UBA2: variants seen among roughly 807,000 people sequenced by gnomAD.
The protein encoded by UBA2 is ubiquitin like modifier activating enzyme 2, also known as SUMO-activating enzyme subunit 2.
A neutral mutation model predicts 77.2 loss-of-function variants in UBA2; 11 were observed. The observed-to-expected ratio is 0.14, with a 90% CI of 0.09 to 0.24. UBA2 has a LOEUF of 0.24. UBA2 is among the 10% of genes least tolerant of loss of function. The pLI is 1.00. For missense variants in UBA2, 487 were observed against 781.7 expected (o/e 0.62, Z 4.50); for synonymous variants, 278 against 276.7 (o/e 1.00, Z -0.05).
chr19:34,437,665 T>TG (rs1325443888), intron 5 of UBA2, among the ~76,000 whole-genome samples: 1 of 152,212 alleles, frequency 6.6e-6, no homozygotes, highest in African/African-American at 2.4e-5. Context: ...TAATGAAAGA[T>TG]GATTCATTTG....
intron 16 of UBA2, among the ~76,000 whole-genome samples, chr19:34,468,347 TCATC>T (rs2075708671): frequency 4.6e-5 from 7 of 152,210 alleles, no homozygotes; most frequent in Non-Finnish European, 8.8e-5. Context: ...GAAAGGTCCG[TCATC>T]TTCCTTTGAG....
At chr19:34,432,391 G>A (rs1194964735) in intron 3 of UBA2, among the ~76,000 whole-genome samples, 1 of 152,168 alleles carries the variant, frequency 6.6e-6, no homozygotes, top group East Asian at 1.9e-4. Context: ...TAAAGATAGA[G>A]TAAATATATA....
intron 8 of UBA2, among the ~76,000 whole-genome samples, chr19:34,447,631 A>G (rs1310796902): frequency 6.6e-6 from 1 of 152,212 alleles, no homozygotes; most frequent in African/African-American, 2.4e-5. Context: ...GTTGTGAACA[A>G]GACAGAAGAC....
At chr19:34,428,673 C>T in intron 1 of UBA2, 103 bp downstream of exon 1, 5 of 1,214,118 alleles carry the variant, frequency 4.1e-6, no homozygotes, top group Non-Finnish European at 5.1e-6. Flanking sequence ...GCCCGGAGCC[C>T]GGGACCGGAG....
At chr19:34,441,272 G>A (rs1197725790) in intron 6 of UBA2, among the ~76,000 whole-genome samples, 3 of 151,920 alleles carry the variant, frequency 2.0e-5, no homozygotes, top group East Asian at 1.9e-4. Context: ...TGGCTAACAC[G>A]GTGAAACCCC....
chr19:34,458,704 T>C (rs894556550), intron 12 of UBA2, 65 bp from the exon 13 acceptor site: 224 of 1,395,030 alleles, frequency 1.6e-4, no homozygotes, highest in Non-Finnish European at 2.1e-4. Context: ...AACGAGATTT[T>C]AGATTGTATG....
chr19:34,454,861 A>G (rs1373652152), intron 12 of UBA2, among the ~76,000 whole-genome samples: 1 of 152,194 alleles, frequency 6.6e-6, no homozygotes, highest in African/African-American at 2.4e-5. Context: ...AGAGTGCTAT[A>G]TGGGTTTTAA....
chr19:34,463,987 A>G, intron 14 of UBA2, 39 bp from the exon 15 acceptor site: 1 of 1,386,318 alleles, frequency 7.2e-7, no homozygotes, highest in Admixed American at 1.7e-5. Context: ...TGCTCTATGA[A>G]GATGTAACTG....
At chr19:34,466,207 G>A (rs1018635567) in intron 15 of UBA2, among the ~76,000 whole-genome samples, 4 of 152,038 alleles carry the variant, frequency 2.6e-5, no homozygotes, top group Admixed American at 1.3e-4. Context: ...GTGGTGGCGC[G>A]CCTATAGTCC....
rs768261217 is a variant in UBA2 at position 34,454,368 on chromosome 19, C to T, written c.1132+15C>T. On this transcript the variant is annotated intron_variant, in intron 11 of 16. Transcript: ENST00000246548. ...TGATATCAAATGTAAGTTATTTGTA[C>T]TAAAGTTGTATCACTAAAACCTTGA... 5.0e-6 allele frequency: 8 copies of T among 1,599,664 alleles called. No homozygotes were observed. The highest frequency in any genetic ancestry group is 6.8e-6 in the Non-Finnish European group (8 of 1,172,220).
At chr19:34,463,621 A>T (rs906673672) in intron 14 of UBA2, among the ~76,000 whole-genome samples, 2 of 151,746 alleles carry the variant, frequency 1.3e-5, no homozygotes, top group African/African-American at 4.8e-5. Flanking sequence ...AGTCCTAAAA[A>T]TTTTTTTTGC....
intron 4 of UBA2, among the ~76,000 whole-genome samples, chr19:34,434,120 G>A (rs545296379): frequency 6.6e-6 from 1 of 152,166 alleles, no homozygotes; most frequent in African/African-American, 2.4e-5. Context: ...TCAAAATTAC[G>A]TTTATTTTTT....
At chr19:34,430,534 A>C (rs1480727916) in intron 1 of UBA2, 42 bp from the exon 2 acceptor site, 1 of 1,482,206 alleles carries the variant, frequency 6.7e-7, no homozygotes, top group Non-Finnish European at 9.4e-7. Context: ...GCTCAAACAT[A>C]CGTAAACGTT....
intron 5 of UBA2, among the ~76,000 whole-genome samples, chr19:34,437,563 T>A (rs2075322890): frequency 6.6e-6 from 1 of 151,586 alleles, no homozygotes; most frequent in South Asian, 2.1e-4. Flanking sequence ...TGAGCCTAGA[T>A]CACGCCATTG....
intron 16 of UBA2, among the ~76,000 whole-genome samples, chr19:34,468,592 C>A (rs530789212): frequency 2.4e-4 from 37 of 152,284 alleles, no homozygotes; most frequent in African/African-American, 8.9e-4. Flanking sequence ...CACTGAGTTT[C>A]CTTTCCTGGA....
chr19:34,445,004 A>G lies in UBA2; in HGVS notation c.654A>G (p.Glu218=), dbSNP rs2075412951. ...AAAATAATGATCGTTTTATAGGGGAACCAACGGAAGCCGAAGCCAGAGCTA... is the reference window on the plus strand; with the variant it reads ...AAAATAATGATCGTTTTATAGGGGAGCCAACGGAAGCCGAAGCCAGAGCTA... ...PDRADPEAAW[E]PTEAEARARA... The change falls in exon 8 of 17, where the codon GAA becomes GAG. Residue 218 remains glutamate, a synonymous_variant. Coordinates refer to ENST00000246548, the MANE Select transcript of UBA2 (RefSeq NM_005499.3). 1 of 1,611,660 alleles carries G rather than the reference A, an allele frequency of 6.2e-7. No homozygotes were observed. Among genetic ancestry groups the G allele is most frequent in the Non-Finnish European group, 8.5e-7 (1 of 1,179,342 alleles).
At chr19:34,457,176 A>AT (rs1368642658) in intron 12 of UBA2, among the ~76,000 whole-genome samples, 106 of 100,132 alleles carry the variant, frequency 1.1e-3, no homozygotes, top group Non-Finnish European at 1.5e-3. Flanking sequence ...TAAAAAAAAA[A>AT]AAAATATATA....
intron 2 of UBA2, among the ~76,000 whole-genome samples, chr19:34,431,038 T>A (rs1052232523): frequency 1.1e-4 from 17 of 152,132 alleles, no homozygotes; most frequent in Admixed American, 9.8e-4. Context: ...TTAGTTTTTT[T>A]AGTGTTCCTT....
At chr19:34,442,842 G>A (rs898533140) in intron 6 of UBA2, among the ~76,000 whole-genome samples, 2 of 152,186 alleles carry the variant, frequency 1.3e-5, no homozygotes, top group Non-Finnish European at 2.9e-5. Flanking sequence ...AGTTGGCAAA[G>A]CGTTAATTTT....
Sources: allele counts gnomAD v4.1 joint callset (sites outside exome capture counted in the v4.1 genomes callset), GRCh38; gene constraint gnomAD v4.1.1; transcripts MANE v1.5; gene names NCBI Gene and HGNC (gene_info 2026-07-23, HGNC 2026-07-21).